The following CYTIP variants were observed in gnomAD, a reference collection of about 807,000 sequenced individuals.
CYTIP encodes cytohesin 1 interacting protein, also known as cytohesin-interacting protein.
In CYTIP, 26 loss-of-function variants were observed where a neutral mutation model predicts 43.8. The ratio of observed to expected loss-of-function variants is 0.59; its 90% confidence interval spans 0.44 to 0.82. The LOEUF (loss-of-function observed/expected upper bound fraction) is 0.82. CYTIP is among the 40% of genes least tolerant of loss of function. The pLI is 0.00. For synonymous variants in CYTIP, 162 were observed against 162.9 expected (o/e 0.99, Z 0.04); for missense variants, 426 against 443.1 (o/e 0.96, Z 0.35).
At chr2:157,418,613 A>G in intron 6 of CYTIP, 24 bp from the exon 7 acceptor site, 1 of 1,558,034 alleles carries the variant, frequency 6.4e-7, no homozygotes, top group South Asian at 1.2e-5. Flanking sequence ...AAAAAAAAAA[A>G]AAAGTTTTTA....
chr2:157,441,252 C>T (rs1685908370), intron 1 of CYTIP, among the ~76,000 whole-genome samples: 1 of 152,168 alleles, frequency 6.6e-6, no homozygotes, highest in Non-Finnish European at 1.5e-5. Context: ...ATCTTGTTGC[C>T]TGCAATTTAG....
chr2:157,433,434 C>T (rs962004947), intron 3 of CYTIP, among the ~76,000 whole-genome samples: 1 of 152,060 alleles, frequency 6.6e-6, no homozygotes, highest in African/African-American at 2.4e-5. Context: ...TAGCAGTTTC[C>T]TGTTCCTAAT....
At chr2:157,431,740 G>T (rs1276623093) in intron 3 of CYTIP, among the ~76,000 whole-genome samples, 1 of 152,070 alleles carries the variant, frequency 6.6e-6, no homozygotes, top group Non-Finnish European at 1.5e-5. Context: ...CCACTTAGAA[G>T]CAAAATCAGT....
intron 3 of CYTIP, 139 bp from the exon 4 acceptor site, chr2:157,431,101 T>C: frequency 1.5e-6 from 1 of 656,784 alleles, no homozygotes; most frequent in Non-Finnish European, 2.5e-6. Context: ...ATAAACTAAA[T>C]CAAGGTATCA....
intron 6 of CYTIP, among the ~76,000 whole-genome samples, chr2:157,422,114 A>C (rs1685530211): frequency 6.6e-6 from 1 of 152,152 alleles, no homozygotes; most frequent in South Asian, 2.1e-4. Context: ...ATACCTAAAC[A>C]CAGCCTCGTG....
intron 7 of CYTIP, among the ~76,000 whole-genome samples, chr2:157,417,135 C>T (rs187188758): frequency 1.2e-4 from 19 of 152,262 alleles, no homozygotes; most frequent in African/African-American, 4.1e-4. Flanking sequence ...TGTCTTTTGT[C>T]CTCGGTTGAC....
chr2:157,437,135 G>T (rs155590), intron 1 of CYTIP, among the ~76,000 whole-genome samples: 145,595 of 152,178 alleles, frequency 0.96, 69,679 homozygotes, highest in Middle Eastern at 0.98. Context: ...ATAGGGGAAA[G>T]GCTTTAGCAT....
chr2:157,420,426 T>G (rs753634410), intron 6 of CYTIP, among the ~76,000 whole-genome samples: 2 of 151,948 alleles, frequency 1.3e-5, no homozygotes, highest in Non-Finnish European at 2.9e-5. Flanking sequence ...TGAGGCAGGA[T>G]AATCACTTGA....
chr2:157,440,635 C>T (rs1186223706), intron 1 of CYTIP, among the ~76,000 whole-genome samples: 15 of 152,136 alleles, frequency 9.9e-5, no homozygotes, highest in Admixed American at 9.8e-4. Context: ...GAGCAGAGCA[C>T]ACATTCCCTA....
intron 7 of CYTIP, among the ~76,000 whole-genome samples, chr2:157,418,028 CTTACGCAT>C (rs1227282925): frequency 6.6e-6 from 1 of 152,210 alleles, no homozygotes; most frequent in African/African-American, 2.4e-5. Context: ...TTGTATTCAT[CTTACGCAT>C]TTATGTCTTT....
intron 5 of CYTIP, among the ~76,000 whole-genome samples, chr2:157,428,590 TC>T: frequency 6.6e-6 from 1 of 152,216 alleles, no homozygotes; most frequent in Non-Finnish European, 1.5e-5. Context: ...TCTCCCATTT[TC>T]CCGGATTTCC....
At chr2:157,429,061 T>G (rs538770247) in intron 5 of CYTIP, among the ~76,000 whole-genome samples, 5 of 152,268 alleles carry the variant, frequency 3.3e-5, no homozygotes, top group African/African-American at 1.2e-4. Context: ...AAAATTAACC[T>G]CATGGGTGGC....
intron 1 of CYTIP, among the ~76,000 whole-genome samples, chr2:157,435,203 T>G (rs542902250): frequency 5.9e-5 from 9 of 152,146 alleles, no homozygotes; most frequent in African/African-American, 1.9e-4. Flanking sequence ...AAAAATAGCA[T>G]ACTTAGAATG....
chr2:157,416,677 A>G (rs777437460), intron 7 of CYTIP, among the ~76,000 whole-genome samples: 13 of 152,200 alleles, frequency 8.5e-5, no homozygotes, highest in Non-Finnish European at 1.5e-4. Flanking sequence ...AGGTAATTCA[A>G]AAGTGTTTCT....
Position 157,430,291 on chromosome 2 carries a change from T to TA in CYTIP, c.476+267dup, listed in dbSNP as rs533772245. On this transcript the variant is annotated intron_variant, in intron 5 of 7. Transcript: ENST00000264192. ...GTGCCAGTTTAATTGAATTTGACAT[T>TA]AAAAAAATACATTTGTAAAGGCCAT... 4.4e-3 allele frequency among the ~76,000 whole-genome samples: 672 copies of TA among 152,210 alleles called. 7 individuals carry two copies. The highest frequency in any genetic ancestry group is 4.0e-3 in the Non-Finnish European group (269 of 68,006).
intron 6 of CYTIP, among the ~76,000 whole-genome samples, chr2:157,423,586 A>C (rs1448677625): frequency 6.6e-6 from 1 of 151,958 alleles, no homozygotes; most frequent in Non-Finnish European, 1.5e-5. Flanking sequence ...TATTATTAAA[A>C]TTCTGCCAGA....
At chr2:157,422,012 T>C (rs1489582365) in intron 6 of CYTIP, among the ~76,000 whole-genome samples, 2 of 152,180 alleles carry the variant, frequency 1.3e-5, no homozygotes, top group Admixed American at 6.5e-5. Flanking sequence ...GAAAAAAACA[T>C]TGGCTGAAGC....
intron 6 of CYTIP, among the ~76,000 whole-genome samples, chr2:157,425,649 G>A (rs79656306): frequency 1.3e-5 from 2 of 152,204 alleles, no homozygotes; most frequent in African/African-American, 4.8e-5. Flanking sequence ...ATTTGTGCAA[G>A]TTAGTACTTT....
intron 5 of CYTIP, among the ~76,000 whole-genome samples, chr2:157,428,170 T>A (rs1281861550): frequency 6.6e-6 from 1 of 152,242 alleles, no homozygotes; most frequent in Non-Finnish European, 1.5e-5. Flanking sequence ...TGTGTTCAAG[T>A]TAAAGGCTTT....
Sources: allele counts gnomAD v4.1 joint callset (sites outside exome capture counted in the v4.1 genomes callset), GRCh38; gene constraint gnomAD v4.1.1; transcripts MANE v1.5; gene names NCBI Gene and HGNC (gene_info 2026-07-23, HGNC 2026-07-21).